ASCC2: variants seen among roughly 807,000 people sequenced by gnomAD.
ASCC2 encodes activating signal cointegrator 1 complex subunit 2, also known as ASC-1 complex subunit P100.
ASCC2 carries 42 observed loss-of-function variants against 93.5 expected under a neutral mutation model. The ratio of observed to expected loss-of-function variants is 0.45; its 90% CI spans 0.35 to 0.58. The LOEUF is 0.58. ASCC2 is among the 20% of genes least tolerant of loss of function. ASCC2 has a pLI of 0.00. For synonymous variants in ASCC2, 364 were observed against 384.2 expected (o/e 0.95, Z 0.62); for missense variants, 859 against 977.6 (o/e 0.88, Z 1.62).
intron 4 of ASCC2, 117 bp from the exon 5 acceptor site, chr22:29,822,581 C>T: frequency 1.6e-6 from 2 of 1,224,116 alleles, no homozygotes; most frequent in South Asian, 2.7e-5. Context: ...TTAATGATGC[C>T]TTATGCATAG....
chr22:29,822,716 CTTTT>C (rs748997801), intron 4 of ASCC2, among the ~76,000 whole-genome samples: 5 of 92,998 alleles, frequency 5.4e-5, no homozygotes, highest in African/African-American at 1.7e-4. Flanking sequence ...ATTATCATGT[CTTTT>C]TTTTTTTTTT....
intron 5 of ASCC2, among the ~76,000 whole-genome samples, chr22:29,817,537 C>T (rs1344239858): frequency 5.3e-5 from 8 of 152,136 alleles, no homozygotes; most frequent in Admixed American, 4.6e-4. Context: ...ACCTCCTCCA[C>T]GCAGTGCCTC....
Position 29,814,712 on chromosome 22 carries a change from GTGGTATTGGCCCCGTCCCCT to G in ASCC2, c.645_664del (p.Gln215HisfsTer6), listed in dbSNP as rs775616704. 1 of 1,608,116 alleles carries G rather than the reference GTGGTATTGGCCCCGTCCCCT, an allele frequency of 6.2e-7. No homozygotes were observed. Among genetic ancestry groups the G allele is most frequent in the Non-Finnish European group, 8.5e-7 (1 of 1,177,664 alleles). ...GCCCCTCTCCTCAAGCTTCTGGGGTGTGGTATTGGCCCCGTCCCCTTGCAAACCACAGTGCTGGAGGATAT... is the reference window on the plus strand; with the variant it reads ...GCCCCTCTCCTCAAGCTTCTGGGGTGTGCAAACCACAGTGCTGGAGGATAT... On this transcript the variant is annotated frameshift_variant, in exon 7 of 20. Coordinates refer to ENST00000307790, the MANE Select transcript of ASCC2 (RefSeq NM_032204.5). LOFTEE classifies it high-confidence loss of function.
chr22:29,808,795 G>T (rs1002854624), intron 8 of ASCC2, among the ~76,000 whole-genome samples: 6 of 146,384 alleles, frequency 4.1e-5, no homozygotes, highest in African/African-American at 1.5e-4. Context: ...CTGAGTGACA[G>T]TGAGACCCTA....
intron 1 of ASCC2, chr22:29,833,742 G>T (rs780477922): frequency 5.1e-6 from 2 of 393,030 alleles, no homozygotes; most frequent in Non-Finnish European, 1.0e-5. Context: ...AGAGGCTGGG[G>T]TGATTAAACT....
intron 1 of ASCC2, among the ~76,000 whole-genome samples, chr22:29,837,556 A>T (rs531789009): frequency 6.6e-6 from 1 of 152,328 alleles, no homozygotes; most frequent in African/African-American, 2.4e-5. Context: ...AAAAGCCAAA[A>T]GCTAAGAAAG....
intron 4 of ASCC2, among the ~76,000 whole-genome samples, chr22:29,823,575 C>T (rs1007139226): frequency 2.0e-5 from 3 of 152,120 alleles, no homozygotes; most frequent in Admixed American, 6.6e-5. Context: ...TGGCCAGGCG[C>T]GATGGCTCGC....
chr22:29,820,398 G>A (rs185183965), intron 5 of ASCC2, among the ~76,000 whole-genome samples: 3 of 152,008 alleles, frequency 2.0e-5, no homozygotes, highest in South Asian at 2.1e-4. Context: ...TCCTGACCTC[G>A]TGATTTGCCT....
chr22:29,810,792 G>A (rs1490960906), intron 8 of ASCC2, among the ~76,000 whole-genome samples: 2 of 151,524 alleles, frequency 1.3e-5, no homozygotes, highest in Non-Finnish European at 2.9e-5. Flanking sequence ...GGGCAGTGGT[G>A]CAATCCCTGC....
chr22:29,833,363 T>C (rs923352217), intron 1 of ASCC2, among the ~76,000 whole-genome samples: 4 of 152,162 alleles, frequency 2.6e-5, no homozygotes, highest in South Asian at 2.1e-4. Context: ...TGTTAAGATT[T>C]TGCAACCTTT....
In ASCC2 at chr22:29,825,609, G is replaced by C. The variant is rs748047682; in HGVS notation, c.240+13C>G. On this transcript the variant is annotated intron_variant, in intron 3 of 19. Transcript: ENST00000307790. This position sits in a 1 kb window ranked among gnomAD's most constrained non-coding sequence, Gnocchi z 4.9. The stretch of plus-strand genomic sequence containing the variant: ...TGTGCTTTGTCTTAGCGTTAATTTT[G>C]ATAGAATGTTACCTGGCACCAGAAT... The C allele has an allele frequency of 6.2e-7, 1 of 1,614,172 alleles. No homozygotes were observed. The highest frequency in any genetic ancestry group is 8.5e-7 in the Non-Finnish European group (1 of 1,180,018).
At chr22:29,804,982 T>C in intron 12 of ASCC2, 152 bp from the exon 13 acceptor site, 1 of 761,176 alleles carries the variant, frequency 1.3e-6, no homozygotes. Flanking sequence ...CTGGGCTGCA[T>C]GGAAAAATGG....
In ASCC2 at chr22:29,795,075, C is replaced by T. The variant is rs976854297; in HGVS notation, c.1689-1399G>A. Among the ~76,000 whole-genome samples the T allele has an allele frequency of 4.6e-5, 7 of 151,998 alleles. 1 individual carries two copies. In the South Asian group the frequency reaches 1.5e-3, roughly 32 times the overall value. Reference sequence around the variant, plus strand: ...GAGTAGCTGGGAGTACAGGTGCGTGCCACTATGCCTGGCTAATTTTTGTAT... The same window carrying T: ...GAGTAGCTGGGAGTACAGGTGCGTGTCACTATGCCTGGCTAATTTTTGTAT... On this transcript the variant is annotated intron_variant, in intron 15 of 19. Coordinates refer to ENST00000307790, the MANE Select transcript of ASCC2 (RefSeq NM_032204.5).
In ASCC2 at chr22:29,832,288, T is replaced by C; in HGVS notation, c.38A>G (p.His13Arg). Residue 13 changes from histidine to arginine, a missense_variant, in exon 2 of 20, where the codon CAC becomes CGC. His to Arg is a conservative substitution (Grantham distance 29). Transcript: ENST00000307790. ...ALPLDQLQIT[H>R]KDPKTGKLRT... ...CAGCTTTCCTGTCTTCGGGTCCTTG[T>C]GGGTGATCTGGAGTTGGTCCAGGGG... 1 of 1,614,044 alleles carries C rather than the reference T, an allele frequency of 6.2e-7. No homozygotes were observed. The highest frequency in any genetic ancestry group is 8.5e-7 in the Non-Finnish European group (1 of 1,179,980).
rs778909770 is a variant in ASCC2, at chr22:29,806,296, G to T, written c.1086-6C>A. On this transcript the variant is annotated splice_region_variant and splice_polypyrimidine_tract_variant and intron_variant, in intron 11 of 19. Coordinates refer to ENST00000307790, the MANE Select transcript of ASCC2 (RefSeq NM_032204.5). ...CATCATAGTCCCGGAGGAACCTGCA[G>T]GCAGATGAGAGCAGATGGGATGGAC... The T allele has an allele frequency of 8.1e-6, 13 of 1,613,938 alleles. No individual in the cohort carries two copies. The highest frequency in any genetic ancestry group is 1.6e-4 in the Middle Eastern group (1 of 6,074).
intron 1 of ASCC2, chr22:29,834,438 C>A: frequency 2.1e-6 from 1 of 466,058 alleles, no homozygotes; most frequent in South Asian, 1.6e-5. Context: ...GTGAAGATCC[C>A]CACCCTAGAA....
chr22:29,826,307 T>A (rs1568949863), intron 2 of ASCC2, among the ~76,000 whole-genome samples: 2 of 151,964 alleles, frequency 1.3e-5, no homozygotes, highest in Non-Finnish European at 2.9e-5. Flanking sequence ...ATTCATATAT[T>A]ACTTTTGTTT....
In ASCC2 at chr22:29,794,260, G is replaced by T. The variant is rs185323656; in HGVS notation, c.1689-584C>A. On this transcript the variant is annotated intron_variant, in intron 15 of 19. Transcript: ENST00000307790. ...TGTAATCCCAACACTTTGGGAGGCC[G>T]AGGCGGGTGGATCACAAGGTCAGGA... 8.0e-3 allele frequency among the ~76,000 whole-genome samples: 1,219 copies of T among 151,868 alleles called. 10 individuals carry two copies. Among genetic ancestry groups the T allele is most frequent in the African/African-American group, 0.027 (1,128 of 41,490 alleles).
intron 12 of ASCC2, among the ~76,000 whole-genome samples, chr22:29,805,595 C>T (rs367563611): frequency 4.6e-5 from 7 of 152,170 alleles, no homozygotes; most frequent in East Asian, 1.9e-4. Context: ...CACCCCAGGG[C>T]TGTGCACGTT....
Sources: gnomAD v4.1 joint callset for allele counts (sites outside exome capture counted in the v4.1 genomes callset) on GRCh38, gnomAD v4.1.1 for gene constraint, Gnocchi (gnomAD v3.1) non-coding constraint, MANE v1.5 for transcripts, NCBI Gene and HGNC (gene_info 2026-07-23, HGNC 2026-07-21) for gene names.